TACC2: variants seen among roughly 807,000 people sequenced by gnomAD.
TACC2 encodes transforming acidic coiled-coil containing protein 2, also known as transforming acidic coiled-coil-containing protein 2.
TACC2 carries 137 observed loss-of-function variants against 227.3 expected under a neutral mutation model. The observed-to-expected ratio is 0.60, with a 90% CI of 0.52 to 0.69. The LOEUF (loss-of-function observed/expected upper bound fraction) is 0.69, where lower values mean the gene tolerates loss of function less well. TACC2 is among the 30% of genes least tolerant of loss of function. TACC2 has a pLI of 0.00. For missense variants in TACC2, 3,470 were observed against 3,694.4 expected, an observed-to-expected ratio of 0.94 and a Z score of 1.57; for synonymous variants, 1,523 against 1,487.5, an observed-to-expected ratio of 1.02 and a Z score of -0.55.
intron 2 of TACC2, among the ~76,000 whole-genome samples, chr10:122,035,523 C>T (rs568254099): frequency 5.9e-5 from 9 of 152,280 alleles, no homozygotes; most frequent in African/African-American, 9.6e-5. Context: ...CCTTATGAGG[C>T]GCTAACAGGC....
chr10:122,050,605 C>A lies in TACC2; in HGVS notation c.146+55C>A. 2 of 1,379,858 alleles carry A rather than the reference C, an allele frequency of 1.4e-6. No homozygotes were observed. Among genetic ancestry groups the A allele is most frequent in the Non-Finnish European group, 2.1e-6 (2 of 975,476 alleles). The allele number at this position is 1,379,858 out of a possible 1,614,324, so 85.5% of individuals were successfully genotyped here. ...AGCCCAAGGACTGCCCCGCTCATTG[C>A]CTGCTCCAGCATTAGCTTTGCCCCA... On this transcript the variant is annotated intron_variant, in intron 3 of 22. Transcript: ENST00000369005. The surrounding 1 kb of genome is among the most constrained non-coding windows in gnomAD (Gnocchi z 4.6).
chr10:122,068,490 C>T (rs1047197746), intron 3 of TACC2, among the ~76,000 whole-genome samples: 20 of 152,072 alleles, frequency 1.3e-4, no homozygotes, highest in African/African-American at 4.1e-4. Context: ...CTCTGCATCT[C>T]GCTTCATTAG....
chr10:122,112,474 G>A (rs1438117065), intron 5 of TACC2, among the ~76,000 whole-genome samples: 1 of 152,206 alleles, frequency 6.6e-6, no homozygotes, highest in Non-Finnish European at 1.5e-5. Flanking sequence ...AGCACAGCCC[G>A]CGCTGTTTCT....
intron 2 of TACC2, among the ~76,000 whole-genome samples, chr10:122,036,314 T>C (rs560049922): frequency 6.7e-6 from 1 of 149,692 alleles, no homozygotes; most frequent in African/African-American, 2.5e-5. Context: ...TGCCTCAGCC[T>C]CCCGAGTAGC....
intron 14 of TACC2, among the ~76,000 whole-genome samples, chr10:122,228,843 C>T (rs887424561): frequency 1.3e-5 from 2 of 152,208 alleles, no homozygotes; most frequent in East Asian, 1.9e-4. Context: ...CTGAAGCACA[C>T]GTCCATGGTT....
intron 3 of TACC2, among the ~76,000 whole-genome samples, chr10:122,080,657 C>G (rs1410007315): frequency 6.6e-6 from 1 of 152,186 alleles, no homozygotes; most frequent in Non-Finnish European, 1.5e-5. Flanking sequence ...GGGATTAGGG[C>G]TTCAACATAT....
chr10:121,993,205 C>T (rs1405352655), intron 1 of TACC2, among the ~76,000 whole-genome samples: 1 of 152,106 alleles, frequency 6.6e-6, no homozygotes, highest in East Asian at 1.9e-4. Context: ...GGTATTACAG[C>T]ATTTTAGTTA....
intron 5 of TACC2, among the ~76,000 whole-genome samples, chr10:122,091,252 A>T (rs2080783714): frequency 7.1e-6 from 1 of 140,102 alleles, no homozygotes; most frequent in African/African-American, 2.6e-5. Context: ...AAAATTTAGT[A>T]TGAAAAAAAA....
chr10:122,246,128 C>T (rs752813739), intron 19 of TACC2, among the ~76,000 whole-genome samples: 21 of 152,296 alleles, frequency 1.4e-4, no homozygotes, highest in South Asian at 4.1e-4. Context: ...GCAGCATCTG[C>T]GTCACTGGGG....
At chr10:122,236,526 G>A (rs1303242323) in intron 16 of TACC2, among the ~76,000 whole-genome samples, 3 of 152,188 alleles carry the variant, frequency 2.0e-5, no homozygotes, top group African/African-American at 7.2e-5. Context: ...TGCTAACACC[G>A]CATTTCAACT....
intron 7 of TACC2, among the ~76,000 whole-genome samples, chr10:122,154,308 T>A (rs923444125): frequency 1.3e-5 from 2 of 152,248 alleles, no homozygotes; most frequent in African/African-American, 4.8e-5. Flanking sequence ...GTGTATAAAC[T>A]GGTCTTAAGA....
At chr10:122,033,065 C>T in intron 2 of TACC2, 1 of 1,281,866 alleles carries the variant, frequency 7.8e-7, no homozygotes, top group Non-Finnish European at 1.0e-6. Context: ...TGCGACCTGT[C>T]CTAACGGTGA....
chr10:122,006,032 A>T (rs940231094), intron 1 of TACC2, among the ~76,000 whole-genome samples: 3 of 152,200 alleles, frequency 2.0e-5, no homozygotes, highest in African/African-American at 7.2e-5. Flanking sequence ...TAGCCTTGAT[A>T]CATGAAGAAC....
intron 7 of TACC2, among the ~76,000 whole-genome samples, chr10:122,147,267 C>T (rs1474636385): frequency 1.3e-5 from 2 of 152,146 alleles, no homozygotes; most frequent in Admixed American, 6.5e-5. Flanking sequence ...GCCTCAACCT[C>T]CTGAGTAGCT....
At chr10:122,011,212 G>A (rs1265774041) in intron 1 of TACC2, among the ~76,000 whole-genome samples, 1 of 152,202 alleles carries the variant, frequency 6.6e-6, no homozygotes, top group Admixed American at 6.5e-5. Flanking sequence ...CAGTGACACA[G>A]GGCCAGGTGG....
At chr10:122,221,234 C>T (rs949303668) in intron 11 of TACC2, among the ~76,000 whole-genome samples, 5 of 152,342 alleles carry the variant, frequency 3.3e-5, no homozygotes, top group South Asian at 2.1e-4. Context: ...GTTTTCTTTG[C>T]GTGGTTGCTT....
chr10:122,063,235 A>C (rs374852599), intron 3 of TACC2, among the ~76,000 whole-genome samples: 9 of 152,388 alleles, frequency 5.9e-5, no homozygotes, highest in African/African-American at 1.9e-4. Context: ...TCTTACAGAC[A>C]GAGCCCTGTA....
In TACC2 at chr10:122,125,300, A is replaced by T. The variant is rs551191345; in HGVS notation, c.5574-7309A>T. ...AGCCTTGAACTCCTGGGCTCAGGTG[A>T]TCCTCCCACCTCAGCCTCCCAAGTA... is the stretch of plus-strand genomic sequence containing the variant. On this transcript the variant is annotated intron_variant, in intron 5 of 22. Coordinates refer to ENST00000369005, the MANE Select transcript of TACC2 (RefSeq NM_206862.4). Among the ~76,000 whole-genome samples, 17 of 152,000 alleles carry T rather than the reference A, an allele frequency of 1.1e-4. 1 individual carries two copies. The highest frequency in any genetic ancestry group is 3.6e-4 in the African/African-American group (15 of 41,442).
intron 7 of TACC2, among the ~76,000 whole-genome samples, chr10:122,160,211 G>A (rs2092733639): frequency 6.6e-6 from 1 of 152,164 alleles, no homozygotes; most frequent in Non-Finnish European, 1.5e-5. Flanking sequence ...AGGTTTCTAG[G>A]GTGTCTTTGG....
Sources: gnomAD v4.1 joint callset for allele counts (sites outside exome capture counted in the v4.1 genomes callset) on GRCh38, gnomAD v4.1.1 for gene constraint, Gnocchi (gnomAD v3.1) non-coding constraint, MANE v1.5 for transcripts, NCBI Gene and HGNC (gene_info 2026-07-23, HGNC 2026-07-21) for gene names.